The following FCHO2 variants were observed in gnomAD, a reference collection of about 807,000 sequenced individuals.
FCHO2 encodes F-BAR domain only protein 2.
FCHO2 carries 43 observed loss-of-function variants against 114.1 expected under a neutral mutation model. That is an observed-to-expected ratio of 0.38 (90% CI 0.30 to 0.49). The LOEUF (loss-of-function observed/expected upper bound fraction) is 0.49, where lower values mean the gene tolerates loss of function less well. FCHO2 is among the 20% of genes least tolerant of loss of function. The pLI is 0.97. For missense variants in FCHO2, 807 were observed against 950.4 expected (o/e 0.85, Z 1.98); for synonymous variants, 293 against 315.2 (o/e 0.93, Z 0.75).
At chr5:73,047,459 C>A (rs1757111046) in intron 11 of FCHO2, among the ~76,000 whole-genome samples, 1 of 151,562 alleles carries the variant, frequency 6.6e-6, no homozygotes, top group African/African-American at 2.4e-5. Flanking sequence ...GCCCTTCTTA[C>A]TTAAAAGTTA....
rs539905152 is a variant in FCHO2, at chr5:72,999,269, A to AT, written c.496-7168dup. 7.7e-3 allele frequency among the ~76,000 whole-genome samples: 1,169 copies of AT among 150,914 alleles called. 13 individuals are homozygous for AT. The highest frequency in any genetic ancestry group is 0.027 in the African/African-American group (1,117 of 41,176). ...AAGGTTTTTATTAACAAGAATGTAG[A>AT]TTTTTTTTAAAAGTCATAGATCTTT... On this transcript the variant is annotated intron_variant, in intron 5 of 25. Transcript: ENST00000430046.
At chr5:73,020,926 C>T (rs990630612) in intron 8 of FCHO2, 16 of 1,530,050 alleles carry the variant, frequency 1.0e-5, no homozygotes, top group Admixed American at 5.0e-5. Context: ...ATCATATAGT[C>T]GAAAAGCAAA....
chr5:73,052,271 G>A (rs1437818776), intron 12 of FCHO2, 61 bp from the exon 13 acceptor site: 83 of 1,435,224 alleles, frequency 5.8e-5, no homozygotes, highest in Non-Finnish European at 7.6e-5. Context: ...TAAAATAAAT[G>A]TGTGAAAAAC....
chr5:73,006,770 C>A (rs1754740377), intron 6 of FCHO2, among the ~76,000 whole-genome samples: 1 of 151,940 alleles, frequency 6.6e-6, no homozygotes, highest in African/African-American at 2.4e-5. Context: ...ATCAGAAGAG[C>A]CTGTTTAAAG....
chr5:73,063,320 T>C (rs886206032), intron 17 of FCHO2, among the ~76,000 whole-genome samples: 2 of 152,080 alleles, frequency 1.3e-5, no homozygotes, highest in Non-Finnish European at 1.5e-5. Context: ...TTTAGTAAAC[T>C]AATAGAATAT....
At chr5:72,998,887 G>A (rs1291358253) in intron 5 of FCHO2, among the ~76,000 whole-genome samples, 1 of 150,506 alleles carries the variant, frequency 6.6e-6, no homozygotes, top group East Asian at 2.0e-4. Flanking sequence ...TGCAGTGGTG[G>A]TATGATCATA....
intron 2 of FCHO2, among the ~76,000 whole-genome samples, chr5:72,985,888 A>C (rs1227647831): frequency 6.6e-6 from 1 of 152,066 alleles, no homozygotes; most frequent in Non-Finnish European, 1.5e-5. Flanking sequence ...GGCTGCTTGG[A>C]TCTGTGGTTA....
intron 9 of FCHO2, among the ~76,000 whole-genome samples, chr5:73,036,034 C>T (rs917650400): frequency 8.0e-5 from 12 of 150,484 alleles, no homozygotes; most frequent in African/African-American, 2.0e-4. Context: ...TTAGTAGAAA[C>T]GGGGTTTCAC....
intron 1 of FCHO2, among the ~76,000 whole-genome samples, chr5:72,966,149 G>A (rs556678008): frequency 3.3e-5 from 5 of 152,196 alleles, no homozygotes; most frequent in Non-Finnish European, 7.3e-5. Flanking sequence ...GGCCAAGGTG[G>A]GAGGATTGCT....
chr5:73,030,021 G>T (rs1169188546), intron 8 of FCHO2, among the ~76,000 whole-genome samples: 1 of 150,508 alleles, frequency 6.6e-6, no homozygotes, highest in Non-Finnish European at 1.5e-5. Flanking sequence ...TACAGAAATT[G>T]ATTTCTTTTC....
intron 11 of FCHO2, among the ~76,000 whole-genome samples, chr5:73,041,748 T>G (rs1756815639): frequency 6.6e-6 from 1 of 152,118 alleles, no homozygotes; most frequent in Non-Finnish European, 1.5e-5. Context: ...TGGTCAGTAC[T>G]TTTCTGTGCT....
intron 1 of FCHO2, among the ~76,000 whole-genome samples, chr5:72,964,021 A>G (rs1382198628): frequency 6.8e-6 from 1 of 146,686 alleles, no homozygotes; most frequent in African/African-American, 2.5e-5. Context: ...GTAGGCATAG[A>G]TTGAAGAGCT....
At chr5:73,031,043 AAAG>A (rs1756213172) in intron 8 of FCHO2, among the ~76,000 whole-genome samples, 1 of 152,198 alleles carries the variant, frequency 6.6e-6, no homozygotes, top group Non-Finnish European at 1.5e-5. Flanking sequence ...TCTAGTTCAA[AAAG>A]AGTATCCAAA....
chr5:72,983,191 G>A (rs1753319613), intron 2 of FCHO2, among the ~76,000 whole-genome samples: 1 of 152,038 alleles, frequency 6.6e-6, no homozygotes, highest in Non-Finnish European at 1.5e-5. Flanking sequence ...TGGGATTACA[G>A]GTGTGAGCCA....
intron 2 of FCHO2, among the ~76,000 whole-genome samples, chr5:72,974,058 G>C (rs1752721572): frequency 6.7e-6 from 1 of 150,094 alleles, no homozygotes; most frequent in Non-Finnish European, 1.5e-5. Context: ...TTGCACTGTG[G>C]TCTGAGAGAT....
chr5:73,077,332 T>A lies in FCHO2; in HGVS notation c.1692-6T>A. On this transcript the variant is annotated splice_polypyrimidine_tract_variant and splice_region_variant and intron_variant, in intron 20 of 25. Coordinates refer to ENST00000430046, the MANE Select transcript of FCHO2 (RefSeq NM_138782.3). ...ATTTAAACACTTTTCAAAATCCCTG[T>A]TTTAGGTGTATTGTGAAGATCACTG... 6.4e-7 allele frequency: 1 copy of A among 1,564,904 alleles called. No homozygotes were observed.
At chr5:73,043,691 A>T (rs1277739058) in intron 11 of FCHO2, among the ~76,000 whole-genome samples, 1 of 152,146 alleles carries the variant, frequency 6.6e-6, no homozygotes, top group Non-Finnish European at 1.5e-5. Flanking sequence ...GAAAGAACTT[A>T]ATAAAAGCAA....
intron 5 of FCHO2, among the ~76,000 whole-genome samples, chr5:72,991,564 T>C (rs568874980): frequency 2.0e-5 from 3 of 152,260 alleles, no homozygotes; most frequent in African/African-American, 7.2e-5. Flanking sequence ...TTGCTGACTT[T>C]GAGCACATTT....
chr5:73,075,387 G>A (rs1366240677), intron 20 of FCHO2, among the ~76,000 whole-genome samples: 1 of 152,136 alleles, frequency 6.6e-6, no homozygotes, highest in Non-Finnish European at 1.5e-5. Context: ...GTGAGTGTAA[G>A]ATACCAAGGT....
Sources: allele counts gnomAD v4.1 joint callset (sites outside exome capture counted in the v4.1 genomes callset), GRCh38; gene constraint gnomAD v4.1.1; transcripts MANE v1.5; gene names NCBI Gene and HGNC (gene_info 2026-07-23, HGNC 2026-07-21).